The following GNAO1 variants were observed in gnomAD, a reference collection of about 807,000 sequenced individuals.
GNAO1 encodes the protein guanine nucleotide-binding protein G(o) subunit alpha.
For missense variants in GNAO1, 166 were observed against 478.7 expected, an observed-to-expected ratio of 0.35 and a Z score of 6.10; for synonymous variants, 164 against 180.7, an observed-to-expected ratio of 0.91 and a Z score of 0.74.
At chr16:56,295,320 T>A (rs1320735644) in intron 3 of GNAO1, among the ~76,000 whole-genome samples, 1 of 152,148 alleles carries the variant, frequency 6.6e-6, no homozygotes, top group Non-Finnish European at 1.5e-5. Context: ...GGGCAGGTCC[T>A]TCTCGTCTGT....
chr16:56,222,616 G>A (rs2036500841), intron 2 of GNAO1, among the ~76,000 whole-genome samples: 2 of 152,194 alleles, frequency 1.3e-5, no homozygotes, highest in Admixed American at 6.5e-5. Context: ...ACTAGTTGGA[G>A]GAAATTCTGA....
At chr16:56,226,816 A>G (rs765012698) in intron 2 of GNAO1, among the ~76,000 whole-genome samples, 17 of 152,236 alleles carry the variant, frequency 1.1e-4, no homozygotes, top group Non-Finnish European at 2.5e-4. Context: ...AAGGTTGTAC[A>G]ATCAGTAAAT....
intron 2 of GNAO1, among the ~76,000 whole-genome samples, chr16:56,252,812 G>A (rs1048396026): frequency 6.6e-6 from 1 of 152,188 alleles, no homozygotes; most frequent in Non-Finnish European, 1.5e-5. Context: ...GGGCAGTGGG[G>A]TGGGCCCTGT....
chr16:56,339,497 C>G (rs2037778072), intron 6 of GNAO1, among the ~76,000 whole-genome samples: 1 of 152,244 alleles, frequency 6.6e-6, no homozygotes, highest in Non-Finnish European at 1.5e-5. Flanking sequence ...GAACTCAGGC[C>G]TTGGTCCTCA....
In GNAO1 at chr16:56,309,740, G is replaced by A. The variant is rs928973781; in HGVS notation, c.304-18891G>A. On this transcript the variant is annotated intron_variant, in intron 3 of 8. Transcript: ENST00000262493. ...CCCAGGGGCCAGACCCGGACCCACT[G>A]CTCCTGTGCGTGCCGCTCTGCTCCC... Among the ~76,000 whole-genome samples the A allele has an allele frequency of 2.0e-5, 3 of 152,240 alleles. No individual in the cohort carries two copies. The East Asian group carries it at 5.8e-4, about 29-fold the overall frequency.
At position 56,347,124 on chromosome 16, in the gene GNAO1, G is replaced by A. The variant is rs577659699; in HGVS notation, c.724-4260G>A. The A allele has an allele frequency of 5.3e-5, 52 of 985,388 alleles. No homozygotes were observed. The African/African-American group carries it at 6.3e-4, about 12-fold the overall frequency. The allele number at this position is 985,388 out of a possible 1,614,324, so 61.0% of individuals were successfully genotyped here. On this transcript the variant is annotated intron_variant, in intron 6 of 8. Transcript: ENST00000262493. Reference sequence around the variant, plus strand: ...CCAGGTGGATATTTAATGAGCACTCGGACTGTTTCCTCCAAGTCAGCTAGT... The same window carrying A: ...CCAGGTGGATATTTAATGAGCACTCAGACTGTTTCCTCCAAGTCAGCTAGT...
rs376270123 is a variant in GNAO1, at chr16:56,305,265, C to T, written c.304-23366C>T. 1.3e-4 allele frequency among the ~76,000 whole-genome samples: 20 copies of T among 152,246 alleles called. No homozygotes were observed. The East Asian group carries it at 3.7e-3, about 28-fold the overall frequency. ...AATAGTTAATGAAGCAGATGTAGGC[C>T]CTGCCCTCACAGAGCTTACAATTCC... On this transcript the variant is annotated intron_variant, in intron 3 of 8. Transcript: ENST00000262493.
At position 56,328,887 on chromosome 16, in the gene GNAO1, G is replaced by C. The variant is rs144641076; in HGVS notation, c.464+96G>C. Reference sequence around the variant, plus strand: ...GATTGGCAGAGCAAGGAGGATTCTCGGCTGAGGTCACGCCTGCCGGGAGAT... The same window carrying C: ...GATTGGCAGAGCAAGGAGGATTCTCCGCTGAGGTCACGCCTGCCGGGAGAT... On this transcript the variant is annotated intron_variant, in intron 4 of 8. Coordinates refer to ENST00000262493, the MANE Select transcript of GNAO1 (RefSeq NM_020988.3). The C allele has an allele frequency of 2.2e-3, 2,872 of 1,303,052 alleles. 7 individuals are homozygous for C. Among genetic ancestry groups the C allele is most frequent in the Non-Finnish European group, 2.8e-3 (2,587 of 922,318 alleles). The allele number at this position is 1,303,052 out of a possible 1,614,324, so 80.7% of individuals were successfully genotyped here.
chr16:56,240,599 T>C (rs2036685611), intron 2 of GNAO1, among the ~76,000 whole-genome samples: 1 of 152,174 alleles, frequency 6.6e-6, no homozygotes, highest in African/African-American at 2.4e-5. Context: ...CATATCAGAA[T>C]CGAATTTTTC....
intron 2 of GNAO1, among the ~76,000 whole-genome samples, chr16:56,216,109 T>C (rs2036434602): frequency 6.6e-6 from 1 of 152,198 alleles, no homozygotes; most frequent in Non-Finnish European, 1.5e-5. Flanking sequence ...TTTACACTTA[T>C]TTCTACTGCT....
intron 3 of GNAO1, among the ~76,000 whole-genome samples, chr16:56,281,561 T>C (rs534354580): frequency 7.4e-4 from 112 of 151,986 alleles, no homozygotes; most frequent in African/African-American, 2.7e-3. Flanking sequence ...TCCCTTTTCC[T>C]CTGTCCTCCT....
At chr16:56,207,816 T>A (rs2036344584) in intron 2 of GNAO1, among the ~76,000 whole-genome samples, 1 of 152,202 alleles carries the variant, frequency 6.6e-6, no homozygotes, top group African/African-American at 2.4e-5. Flanking sequence ...ACATTTTTGT[T>A]GTGATGTAGA....
At chr16:56,262,477 C>T (rs1377540078) in intron 2 of GNAO1, among the ~76,000 whole-genome samples, 2 of 152,108 alleles carry the variant, frequency 1.3e-5, no homozygotes, top group African/African-American at 2.4e-5. Flanking sequence ...TTCATGAGAA[C>T]ACATCTAGGC....
chr16:56,258,914 T>G (rs2032924), intron 2 of GNAO1, among the ~76,000 whole-genome samples: 80,914 of 152,122 alleles, frequency 0.53, 21,727 homozygotes, highest in East Asian at 0.68. Flanking sequence ...CCCATTGTTA[T>G]TGCTTCTCAT....
At chr16:56,263,089 G>T (rs1373248126) in intron 2 of GNAO1, among the ~76,000 whole-genome samples, 1 of 152,220 alleles carries the variant, frequency 6.6e-6, no homozygotes, top group Non-Finnish European at 1.5e-5. Context: ...GTGAATGAGG[G>T]AGCGAGTCTA....
chr16:56,344,046 T>C, intron 6 of GNAO1: 4 of 1,542,506 alleles, frequency 2.6e-6, no homozygotes, highest in Non-Finnish European at 3.5e-6. Flanking sequence ...CTCTTTGCAC[T>C]TGAGGAAGAA....
intron 3 of GNAO1, among the ~76,000 whole-genome samples, chr16:56,288,200 G>C (rs1486638994): frequency 6.6e-5 from 10 of 152,324 alleles, no homozygotes; most frequent in African/African-American, 2.2e-4. Flanking sequence ...GCAGCATGCT[G>C]AGTGCTTTGT....
At position 56,354,032 on chromosome 16, in the gene GNAO1, T is replaced by A. The variant is rs1362189063; in HGVS notation, c.878-834T>A. 1.3e-5 allele frequency among the ~76,000 whole-genome samples: 2 copies of A among 152,224 alleles called. No individual in the cohort carries two copies. Among genetic ancestry groups the A allele is most frequent in the Non-Finnish European group, 2.9e-5 (2 of 68,042 alleles). The stretch of plus-strand genomic sequence containing the variant: ...CTCGCTTAAGAACCACGCCTACTAA[T>A]GATATGCTGCCAGCCCTGCCAAGTG... On this transcript the variant is annotated intron_variant, in intron 7 of 8. Coordinates refer to ENST00000262493, the MANE Select transcript of GNAO1 (RefSeq NM_020988.3). The surrounding 1 kb of genome is among the most constrained non-coding windows in gnomAD (Gnocchi z 4.3).
intron 3 of GNAO1, among the ~76,000 whole-genome samples, chr16:56,308,746 G>A (rs2037423448): frequency 6.6e-6 from 1 of 152,148 alleles, no homozygotes; most frequent in Admixed American, 6.5e-5. Context: ...GCACCCACGG[G>A]GCTGGGCGCC....
Sources: gnomAD v4.1 joint callset for allele counts (sites outside exome capture counted in the v4.1 genomes callset) on GRCh38, gnomAD v4.1.1 for gene constraint, Gnocchi (gnomAD v3.1) non-coding constraint, MANE v1.5 for transcripts, NCBI Gene and HGNC (gene_info 2026-07-23, HGNC 2026-07-21) for gene names.